The following PTPN11 variants were observed in gnomAD, a reference collection of about 807,000 sequenced individuals.
PTPN11 encodes tyrosine-protein phosphatase non-receptor type 11.
PTPN11 carries 6 observed loss-of-function variants against 78.8 expected under a neutral mutation model. The observed-to-expected ratio is 0.08, with a 90% CI of 0.04 to 0.15. The LOEUF (loss-of-function observed/expected upper bound fraction) is 0.15. PTPN11 is among the 10% of genes least tolerant of loss of function. The pLI is 1.00. For synonymous variants in PTPN11, 221 were observed against 263.5 expected, an observed-to-expected ratio of 0.84 and a Z score of 1.56; for missense variants, 386 against 744.8, an observed-to-expected ratio of 0.52 and a Z score of 5.61.
intron 1 of PTPN11, among the ~76,000 whole-genome samples, chr12:112,429,852 C>T (rs1004348839): frequency 6.6e-6 from 1 of 150,880 alleles, no homozygotes; most frequent in Non-Finnish European, 1.5e-5. Context: ...TATGAGATGA[C>T]AGCAAGAATG....
intron 9 of PTPN11, among the ~76,000 whole-genome samples, chr12:112,481,399 C>T (rs1343015326): frequency 6.6e-6 from 1 of 152,218 alleles, no homozygotes; most frequent in Admixed American, 6.5e-5. Context: ...AGCACCGACT[C>T]TCCTTTGACA....
At chr12:112,429,445 G>T (rs1378024784) in intron 1 of PTPN11, among the ~76,000 whole-genome samples, 1 of 150,126 alleles carries the variant, frequency 6.7e-6, no homozygotes, top group Non-Finnish European at 1.5e-5. Context: ...GATGTAGGTG[G>T]TGTTTACCTA....
chr12:112,498,938 T>A (rs2038842534), intron 13 of PTPN11, among the ~76,000 whole-genome samples: 1 of 152,252 alleles, frequency 6.6e-6, no homozygotes, highest in Non-Finnish European at 1.5e-5. Context: ...TTGAAGTAAT[T>A]CCTGTTTCAT....
intron 1 of PTPN11, 23 bp from the exon 2 acceptor site, chr12:112,446,249 ATTAC>A: frequency 1.2e-6 from 2 of 1,613,224 alleles, no homozygotes; most frequent in Non-Finnish European, 1.7e-6. Flanking sequence ...TTGTTTTTTT[ATTAC>A]TTACTTTGTC....
chr12:112,488,159 A>G (rs1439749924), intron 11 of PTPN11, among the ~76,000 whole-genome samples: 2 of 152,098 alleles, frequency 1.3e-5, no homozygotes, highest in Admixed American at 6.6e-5. Flanking sequence ...TCTGTATGGT[A>G]TGTGCTGTTG....
chr12:112,455,802 AC>A, intron 5 of PTPN11, 147 bp from the exon 6 acceptor site: 1 of 645,618 alleles, frequency 1.5e-6, no homozygotes, highest in Non-Finnish European at 2.8e-6. Flanking sequence ...CGATTTGAAA[AC>A]TTTTATTGTG....
intron 3 of PTPN11, 28 bp downstream of exon 3, chr12:112,450,540 T>C: frequency 6.3e-7 from 1 of 1,599,752 alleles, no homozygotes; most frequent in Non-Finnish European, 8.6e-7. Flanking sequence ...GACCACAAAG[T>C]CTGCTGCTCC....
chr12:112,426,677 G>A (rs1361533629), intron 1 of PTPN11, among the ~76,000 whole-genome samples: 5 of 152,054 alleles, frequency 3.3e-5, no homozygotes, highest in Non-Finnish European at 7.3e-5. Flanking sequence ...AGGCCCTGGA[G>A]CTTATTTTAG....
In PTPN11 at chr12:112,486,611, C is replaced by T. The variant is rs1566185599; in HGVS notation, c.1361C>T (p.Pro454Leu). The change falls in exon 11 of 16, where the codon CCG (proline) becomes CTG (leucine). Residue 454 changes from proline (P) to leucine (L), a missense_variant. Around this residue, in one of 3 missense-constraint regions of PTPN11, gnomAD observed 63 missense variants for 182.2 expected, o/e 0.35. Coordinates refer to ENST00000351677, the MANE Select transcript of PTPN11 (RefSeq NM_002834.5). ...HKQESIMDAGPVVVHCSAGIG... is the reference protein window; with the variant it reads ...HKQESIMDAGLVVVHCSAGIG... ...CAGGAGAGCATCATGGATGCAGGGCCGGTCGTGGTGCACTGCAGGTGACAG... is the reference window on the plus strand; with the variant it reads ...CAGGAGAGCATCATGGATGCAGGGCTGGTCGTGGTGCACTGCAGGTGACAG... 4.3e-6 allele frequency: 7 copies of T among 1,612,798 alleles called. No individual in the cohort carries two copies. The East Asian group carries it at 1.1e-4, about 26-fold the overall frequency.
chr12:112,498,731 C>T (rs941038954), intron 13 of PTPN11, among the ~76,000 whole-genome samples: 1 of 152,128 alleles, frequency 6.6e-6, no homozygotes, highest in Admixed American at 6.6e-5. Flanking sequence ...AACACATTAC[C>T]CTCTACTCCA....
chr12:112,474,921 G>C (rs919718369), intron 7 of PTPN11, among the ~76,000 whole-genome samples: 27 of 151,780 alleles, frequency 1.8e-4, no homozygotes, highest in African/African-American at 6.3e-4. Flanking sequence ...GTGAACCACT[G>C]TGTCTGGCTA....
At chr12:112,483,857 T>TC (rs1462133410) in intron 10 of PTPN11, among the ~76,000 whole-genome samples, 3 of 151,894 alleles carry the variant, frequency 2.0e-5, no homozygotes, top group African/African-American at 7.3e-5. Context: ...TTGAGAAAGG[T>TC]CCGGGGGGAT....
In PTPN11 at chr12:112,504,814, C is replaced by G; in HGVS notation, c.*32+18C>G. 1 of 1,399,718 alleles carries G rather than the reference C, an allele frequency of 7.1e-7. No homozygotes were observed. Among genetic ancestry groups the G allele is most frequent in the South Asian group, 1.2e-5 (1 of 85,206 alleles). The allele number at this position is 1,399,718 out of a possible 1,614,324, so 86.7% of individuals were successfully genotyped here. A position where few individuals can be genotyped will look rare whatever the true frequency, so the allele number is the denominator to read the frequency against. Reference sequence around the variant, plus strand: ...AGAAATAGGTATTTAAATGCAAGTGCTCTATTGGTTAATTGTTTATATAAT... The same window carrying G: ...AGAAATAGGTATTTAAATGCAAGTGGTCTATTGGTTAATTGTTTATATAAT... On this transcript the variant is annotated intron_variant, in intron 15 of 15. Coordinates refer to ENST00000351677, the MANE Select transcript of PTPN11 (RefSeq NM_002834.5). The surrounding 1 kb of genome is among the most constrained non-coding windows in gnomAD (Gnocchi z 4.7).
At chr12:112,454,011 T>A (rs2038117113) in intron 4 of PTPN11, among the ~76,000 whole-genome samples, 1 of 152,102 alleles carries the variant, frequency 6.6e-6, no homozygotes, top group Non-Finnish European at 1.5e-5. Context: ...ACTTAATATA[T>A]TAGTATAGTT....
chr12:112,502,266 G>A lies in PTPN11; in HGVS notation c.1712+10G>A. Reference sequence around the variant, plus strand: ...CGCCACCCTGTGCAGAGTAAGTAGTGCTGAAGGAAATTCTTTTTACCTGGT... The same window carrying A: ...CGCCACCCTGTGCAGAGTAAGTAGTACTGAAGGAAATTCTTTTTACCTGGT... On this transcript the variant is annotated intron_variant, in intron 14 of 15. Transcript: ENST00000351677. 6.2e-7 allele frequency: 1 copy of A among 1,602,720 alleles called. No individual in the cohort carries two copies.
At chr12:112,470,974 C>T (rs2038406160) in intron 6 of PTPN11, among the ~76,000 whole-genome samples, 1 of 152,160 alleles carries the variant, frequency 6.6e-6, no homozygotes, top group South Asian at 2.1e-4. Flanking sequence ...GCCTTAACTC[C>T]TTAACCTGAG....
chr12:112,499,214 A>T (rs903842102), intron 13 of PTPN11, among the ~76,000 whole-genome samples: 4 of 152,174 alleles, frequency 2.6e-5, no homozygotes, highest in Non-Finnish European at 4.4e-5. Flanking sequence ...AATTGCTTTT[A>T]AAAAAAGTAT....
rs774566320 is a variant in PTPN11 at position 112,454,544 on chromosome 12, T to C, written c.526-20T>C. On this transcript the variant is annotated intron_variant, in intron 4 of 15. Coordinates refer to ENST00000351677, the MANE Select transcript of PTPN11 (RefSeq NM_002834.5). ...ACATAAAGGTAACAAATAATAAATG[T>C]CATGTGTTTATCTTGAAAGGAACTG... is the stretch of plus-strand genomic sequence containing the variant. 2 of 1,539,796 alleles carry C rather than the reference T, an allele frequency of 1.3e-6. No individual in the cohort carries two copies. Among genetic ancestry groups the C allele is most frequent in the South Asian group, 1.1e-5 (1 of 89,476 alleles).
chr12:112,441,358 C>T (rs929275108), intron 1 of PTPN11, among the ~76,000 whole-genome samples: 1 of 152,000 alleles, frequency 6.6e-6, no homozygotes, highest in Admixed American at 6.6e-5. Flanking sequence ...GCCTCCCAGA[C>T]TCAAGCAATC....
Sources: allele counts gnomAD v4.1 joint callset (sites outside exome capture counted in the v4.1 genomes callset), GRCh38; gene constraint gnomAD v4.1.1; regional missense constraint gnomAD v4.1.1; non-coding constraint Gnocchi (gnomAD v3.1); transcripts MANE v1.5; gene names NCBI Gene and HGNC (gene_info 2026-07-23, HGNC 2026-07-21).